CDK6: variants seen among roughly 807,000 people sequenced by gnomAD.
CDK6 encodes the protein cyclin-dependent kinase 6.
In CDK6, 6 loss-of-function variants were observed where a neutral mutation model predicts 37.1. That is an observed-to-expected ratio of 0.16 (90% CI 0.09 to 0.32). The LOEUF (loss-of-function observed/expected upper bound fraction) is 0.32. CDK6 is among the 10% of genes least tolerant of loss of function. The pLI is 1.00. For synonymous variants in CDK6, 160 were observed against 161.3 expected (o/e 0.99, Z 0.06); for missense variants, 224 against 418.9 (o/e 0.53, Z 4.06).
In CDK6 at chr7:92,646,385, T is replaced by TTTTTTC. The variant is rs1203926186; in HGVS notation, c.648-23305_648-23300dup. ...GATTGTAAGCACCTGGTAGGTTTTC[T>TTTTTTC]TTTTTCTTTTTCTTTTTCTTTTTTT... is the stretch of plus-strand genomic sequence containing the variant. On this transcript the variant is annotated intron_variant, in intron 5 of 7. Transcript: ENST00000424848. Among the ~76,000 whole-genome samples, 9 of 151,142 alleles carry TTTTTTC rather than the reference T, an allele frequency of 6.0e-5. No homozygotes were observed. In the East Asian group the frequency reaches 9.8e-4, roughly 16 times the overall value.
Position 92,613,926 on chromosome 7 carries a change from GAAAGCAAGC to G in CDK6, c.*1205_*1213del. 4.3e-6 allele frequency: 1 copy of G among 233,212 alleles called. No homozygotes were observed. The highest frequency in any genetic ancestry group is 8.5e-6 in the Non-Finnish European group (1 of 118,012). The allele number at this position is 233,212 out of a possible 1,614,324, so 14.4% of individuals were successfully genotyped here. Reference sequence around the variant, plus strand: ...ACTGCGAATTTATGAAAGGTTCATTGAAAGCAAGCAAACAGGTGGTGCATGGGAACAGCT... The same window carrying G: ...ACTGCGAATTTATGAAAGGTTCATTGAAACAGGTGGTGCATGGGAACAGCT... On this transcript the variant is annotated 3_prime_UTR_variant, in exon 8 of 8. Transcript: ENST00000424848.
At chr7:92,756,326 G>C (rs772297573) in intron 3 of CDK6, among the ~76,000 whole-genome samples, 1 of 152,176 alleles carries the variant, frequency 6.6e-6, no homozygotes, top group Non-Finnish European at 1.5e-5. Context: ...TTTCAAAAAG[G>C]CACAACAAAC....
Position 92,617,997 on chromosome 7 carries a change from G to A in CDK6, c.834+75C>T, listed in dbSNP as rs983856862. The A allele has an allele frequency of 2.0e-6, 3 of 1,472,884 alleles. No homozygotes were observed. In the Admixed American group the frequency reaches 5.7e-5, roughly 28 times the overall value. The allele number at this position is 1,472,884 out of a possible 1,614,324, so 91.2% of individuals were successfully genotyped here. Reference sequence around the variant, plus strand: ...TAGCAGCTACTGAACTGATATTTGTGCCCACCACCCAGTCTGGGTAGAGCA... The same window carrying A: ...TAGCAGCTACTGAACTGATATTTGTACCCACCACCCAGTCTGGGTAGAGCA... On this transcript the variant is annotated intron_variant, in intron 7 of 7. Coordinates refer to ENST00000424848, the MANE Select transcript of CDK6 (RefSeq NM_001145306.2).
chr7:92,634,639 G>A (rs1398849621), intron 5 of CDK6, among the ~76,000 whole-genome samples: 1 of 152,080 alleles, frequency 6.6e-6, no homozygotes. Context: ...TCCTGTTCAG[G>A]AAAATGGAAT....
intron 3 of CDK6, among the ~76,000 whole-genome samples, chr7:92,764,052 TA>T (rs530581589): frequency 1.3e-4 from 20 of 148,778 alleles, no homozygotes; most frequent in African/African-American, 3.2e-4. Flanking sequence ...CTGTTGGGTT[TA>T]AAAAAAAAAC....
At chr7:92,779,056 C>T (rs445) in intron 2 of CDK6, among the ~76,000 whole-genome samples, 21,651 of 151,666 alleles carry the variant, frequency 0.14, 1,867 homozygotes, top group East Asian at 0.34. Context: ...CCCCCTGGAC[C>T]GTTGTCTTAG....
chr7:92,639,928 G>T lies in CDK6; in HGVS notation c.648-16842C>A, dbSNP rs777949575. The stretch of plus-strand genomic sequence containing the variant: ...GTGAAAGCCAAAAAGGAAAATATAA[G>T]CAAATTCAAATTATGGTATAATTTT... On this transcript the variant is annotated intron_variant, in intron 5 of 7. Transcript: ENST00000424848. Among the ~76,000 whole-genome samples the T allele has an allele frequency of 2.0e-5, 3 of 152,166 alleles. No individual in the cohort carries two copies. The South Asian group carries it at 6.2e-4, about 32-fold the overall frequency.
intron 2 of CDK6, among the ~76,000 whole-genome samples, chr7:92,798,532 T>A (rs940525462): frequency 2.0e-5 from 3 of 152,226 alleles, no homozygotes; most frequent in Non-Finnish European, 4.4e-5. Context: ...TTTATAGATC[T>A]GCTATATAAG....
chr7:92,762,853 G>A (rs1005409448), intron 3 of CDK6, among the ~76,000 whole-genome samples: 3 of 152,136 alleles, frequency 2.0e-5, no homozygotes, highest in African/African-American at 7.2e-5. Context: ...TTACAGGCGT[G>A]AGCCACCGCG....
At chr7:92,797,150 G>C (rs1161069853) in intron 2 of CDK6, among the ~76,000 whole-genome samples, 1 of 152,114 alleles carries the variant, frequency 6.6e-6, no homozygotes, top group Non-Finnish European at 1.5e-5. Context: ...TCATAGGTGA[G>C]AGTTTGTGAA....
At chr7:92,811,504 A>G (rs1298675694) in intron 2 of CDK6, among the ~76,000 whole-genome samples, 1 of 151,904 alleles carries the variant, frequency 6.6e-6, no homozygotes, top group East Asian at 1.9e-4. Context: ...TTGAGATTAA[A>G]TGTGGAAATA....
At chr7:92,818,382 G>C (rs907965771) in intron 2 of CDK6, among the ~76,000 whole-genome samples, 1 of 151,902 alleles carries the variant, frequency 6.6e-6, no homozygotes, top group African/African-American at 2.4e-5. Context: ...TGCGGAAATA[G>C]CTGGATATCC....
chr7:92,833,146 G>A lies in CDK6; in HGVS notation c.178C>T (p.Arg60Cys). The A allele has an allele frequency of 6.2e-7, 1 of 1,609,194 alleles. No individual in the cohort carries two copies. Among genetic ancestry groups the A allele is most frequent in the Non-Finnish European group, 8.5e-7 (1 of 1,178,460 alleles). Residue 60 changes from arginine (R) to cysteine (C), a missense_variant, in exon 2 of 8, where the codon CGC becomes TGC. Arg to Cys is a radical substitution (Grantham distance 180). Transcript: ENST00000424848. The surrounding 1 kb of genome is among the most constrained non-coding windows in gnomAD (Gnocchi z 6.1). ...GEEGMPLSTI[R>C]EVAVLRHLET... ...AGGTGCCTCAGCACCGCCACCTCGC[G>A]GATGGTGGAGAGCGGCATGCCCTCC...
chr7:92,736,594 A>G (rs1165252673), intron 3 of CDK6, among the ~76,000 whole-genome samples: 1 of 152,212 alleles, frequency 6.6e-6, no homozygotes, highest in Non-Finnish European at 1.5e-5. Flanking sequence ...GGAAGTGCTT[A>G]CGTGTTTGTA....
At position 92,688,581 on chromosome 7, in the gene CDK6, T is replaced by TCTCACA. The variant is rs1491483768; in HGVS notation, c.538-17047_538-17046insTGTGAG. 5.9e-4 allele frequency among the ~76,000 whole-genome samples: 75 copies of TCTCACA among 127,580 alleles called. 1 individual carries two copies. Among genetic ancestry groups the TCTCACA allele is most frequent in the African/African-American group, 1.8e-3 (63 of 34,358 alleles). 83.7% of individuals were successfully genotyped at this position (127,580 alleles called of 152,430 possible). On this transcript the variant is annotated intron_variant, in intron 4 of 7. Transcript: ENST00000424848. The stretch of plus-strand genomic sequence containing the variant: ...TTGAGGTGTATAGACTACATATACA[T>TCTCACA]CACACACACACACACACACACACAC...
intron 3 of CDK6, among the ~76,000 whole-genome samples, chr7:92,761,050 T>G: frequency 6.6e-6 from 1 of 152,104 alleles, no homozygotes; most frequent in East Asian, 1.9e-4. Flanking sequence ...TTCTTAGTGG[T>G]TTGTAAGAGC....
Position 92,712,874 on chromosome 7 carries a change from G to T in CDK6, c.537+12752C>A, listed in dbSNP as rs1042306467. 2.4e-4 allele frequency among the ~76,000 whole-genome samples: 35 copies of T among 147,964 alleles called. 1 individual carries two copies. The highest frequency in any genetic ancestry group is 5.4e-4 in the African/African-American group (21 of 39,120). ...TGTATGTATGTATGTATGTATGTAT[G>T]TATGTATTTATTTATTTGAGATGGA... On this transcript the variant is annotated intron_variant, in intron 4 of 7. Coordinates refer to ENST00000424848, the MANE Select transcript of CDK6 (RefSeq NM_001145306.2).
At chr7:92,682,769 C>T (rs1439607406) in intron 4 of CDK6, among the ~76,000 whole-genome samples, 1 of 152,156 alleles carries the variant, frequency 6.6e-6, no homozygotes, top group Non-Finnish European at 1.5e-5. Context: ...GTTGTGTCCC[C>T]ATGTCCACAC....
intron 4 of CDK6, among the ~76,000 whole-genome samples, chr7:92,716,283 ATATGTGCTTATGT>A (rs1210280700): frequency 6.6e-6 from 1 of 152,210 alleles, no homozygotes; most frequent in African/African-American, 2.4e-5. Context: ...CTGATAAAGA[ATATGTGCTTATGT>A]TATGTGCTTA....
Sources: gnomAD v4.1 joint callset for allele counts (sites outside exome capture counted in the v4.1 genomes callset) on GRCh38, gnomAD v4.1.1 for gene constraint, Gnocchi (gnomAD v3.1) non-coding constraint, MANE v1.5 for transcripts, NCBI Gene and HGNC (gene_info 2026-07-23, HGNC 2026-07-21) for gene names.